MACROD2: variants seen among roughly 807,000 people sequenced by gnomAD.
The protein encoded by MACROD2 is ADP-ribose glycohydrolase MACROD2.
Under a neutral mutation model 70.4 loss-of-function variants are expected in MACROD2, and 36 were observed. That is an observed-to-expected ratio of 0.51 (90% CI 0.39 to 0.68). The LOEUF (loss-of-function observed/expected upper bound fraction) is 0.68. Ranked by LOEUF, MACROD2 falls within the 30% of genes least tolerant of loss-of-function variation. MACROD2 has a pLI of 0.00. For synonymous variants in MACROD2, 172 were observed against 178.8 expected (o/e 0.96, Z 0.30); for missense variants, 496 against 538.4 (o/e 0.92, Z 0.78).
chr20:15,025,115 TA>T (rs1181194418), intron 5 of MACROD2, among the ~76,000 whole-genome samples: 1 of 152,162 alleles, frequency 6.6e-6, no homozygotes, highest in African/African-American at 2.4e-5. Flanking sequence ...AAAATATAAC[TA>T]CATGAAGACT....
At chr20:15,794,252 A>T (rs1280390100) in intron 8 of MACROD2, among the ~76,000 whole-genome samples, 1 of 152,172 alleles carries the variant, frequency 6.6e-6, no homozygotes, top group East Asian at 1.9e-4. Flanking sequence ...TTAGCAAGTC[A>T]TATTCCTGTA....
At chr20:15,790,804 A>G (rs928173177) in intron 8 of MACROD2, among the ~76,000 whole-genome samples, 23 of 151,926 alleles carry the variant, frequency 1.5e-4, no homozygotes, top group African/African-American at 5.3e-4. Context: ...GAAATGTGCA[A>G]AATAATTAGT....
chr20:15,944,173 A>C (rs990043006), intron 12 of MACROD2, among the ~76,000 whole-genome samples: 8 of 152,288 alleles, frequency 5.3e-5, no homozygotes, highest in African/African-American at 1.9e-4. Context: ...ATCTATGATC[A>C]GTTCCTCAGG....
chr20:15,496,195 G>C (rs1224216167), intron 7 of MACROD2, among the ~76,000 whole-genome samples: 1 of 152,164 alleles, frequency 6.6e-6, no homozygotes, highest in East Asian at 1.9e-4. Flanking sequence ...AGTATTCCTT[G>C]GAAAGTAGCT....
chr20:15,899,255 C>T (rs778132634), intron 10 of MACROD2, among the ~76,000 whole-genome samples: 13 of 151,636 alleles, frequency 8.6e-5, no homozygotes, highest in East Asian at 1.9e-4. Flanking sequence ...TATGTACACA[C>T]GTGTATATAT....
intron 8 of MACROD2, among the ~76,000 whole-genome samples, chr20:15,613,923 T>C (rs2049003433): frequency 6.6e-6 from 1 of 152,236 alleles, no homozygotes; most frequent in Non-Finnish European, 1.5e-5. Context: ...CATGGCTCAA[T>C]AGAGCCACTT....
intron 6 of MACROD2, among the ~76,000 whole-genome samples, chr20:15,275,064 G>T (rs1225989926): frequency 1.3e-5 from 2 of 152,004 alleles, no homozygotes; most frequent in Non-Finnish European, 2.9e-5. Context: ...GGTGGGGGAG[G>T]TGCTAAAGGG....
At chr20:14,596,148 C>CGATCTCG (rs1172638173) in intron 4 of MACROD2, among the ~76,000 whole-genome samples, 1 of 151,604 alleles carries the variant, frequency 6.6e-6, no homozygotes, top group Admixed American at 6.6e-5. Flanking sequence ...TGCAGTGGCA[C>CGATCTCG]GATCTCGGCT....
At chr20:14,471,867 A>G (rs1022596826) in intron 3 of MACROD2, among the ~76,000 whole-genome samples, 1 of 152,214 alleles carries the variant, frequency 6.6e-6, no homozygotes, top group African/African-American at 2.4e-5. Flanking sequence ...TGGGACAGCA[A>G]GGTTTTAAAA....
At chr20:14,100,160 T>TG (rs2054279244) in intron 3 of MACROD2, among the ~76,000 whole-genome samples, 1 of 151,894 alleles carries the variant, frequency 6.6e-6, no homozygotes, top group Non-Finnish European at 1.5e-5. Flanking sequence ...CTTCATCATA[T>TG]GGGAAGACAA....
Position 15,021,137 on chromosome 20 carries a change from C to T in MACROD2, c.419-208803C>T, listed in dbSNP as rs140466288. ...GTGTATACACGTGTGTATACACATA[C>T]GTGTGTGTATACACACACCTGTGTG... On this transcript the variant is annotated intron_variant, in intron 5 of 17. Transcript: ENST00000684519. Among the ~76,000 whole-genome samples, 187 of 90,912 alleles carry T rather than the reference C, an allele frequency of 2.1e-3. 14 individuals are homozygous for T. The highest frequency in any genetic ancestry group is 6.7e-3 in the African/African-American group (155 of 22,974). 59.6% of individuals were successfully genotyped at this position (90,912 alleles called of 152,430 possible). A position where few individuals can be genotyped will look rare whatever the true frequency, so the allele number is the denominator to read the frequency against.
intron 8 of MACROD2, among the ~76,000 whole-genome samples, chr20:15,739,191 A>C (rs1204706934): frequency 1.3e-5 from 2 of 152,216 alleles, no homozygotes; most frequent in African/African-American, 4.8e-5. Flanking sequence ...GATTAGTCAC[A>C]CAGAAGGAGT....
chr20:14,777,388 C>T (rs1182016444), intron 5 of MACROD2, among the ~76,000 whole-genome samples: 1 of 151,980 alleles, frequency 6.6e-6, no homozygotes, highest in Non-Finnish European at 1.5e-5. Flanking sequence ...TTAGATCCCA[C>T]CAAGATGGCT....
intron 4 of MACROD2, among the ~76,000 whole-genome samples, chr20:14,614,904 G>C (rs925124382): frequency 6.6e-6 from 1 of 152,120 alleles, no homozygotes; most frequent in Non-Finnish European, 1.5e-5. Context: ...TATAAGTGCT[G>C]TGTTACAATT....
intron 5 of MACROD2, among the ~76,000 whole-genome samples, chr20:14,947,236 GA>G (rs1469017431): frequency 2.0e-5 from 3 of 152,110 alleles, no homozygotes; most frequent in African/African-American, 7.2e-5. Flanking sequence ...GTACGTCTTT[GA>G]AAAGTGCATT....
At chr20:14,201,884 T>G (rs938774776) in intron 3 of MACROD2, among the ~76,000 whole-genome samples, 3 of 151,042 alleles carry the variant, frequency 2.0e-5, no homozygotes, top group African/African-American at 7.3e-5. Context: ...TATTAAAATC[T>G]AAAAGTGGGA....
rs369430286 is a variant in MACROD2, at chr20:14,763,353, G to T, written c.418+78394G>T. ...TGGAGACAAAGCTGGTGTACATGCAGTTGAATCTGGATGGATTTGGATTTC... is the reference window on the plus strand; with the variant it reads ...TGGAGACAAAGCTGGTGTACATGCATTTGAATCTGGATGGATTTGGATTTC... On this transcript the variant is annotated intron_variant, in intron 5 of 17. Transcript: ENST00000684519. 3.9e-5 allele frequency among the ~76,000 whole-genome samples: 6 copies of T among 152,250 alleles called. No homozygotes were observed. In the East Asian group the frequency reaches 1.2e-3, roughly 29 times the overall value.
In MACROD2 at chr20:15,765,654, CAT is replaced by C. The variant is rs565865155; in HGVS notation, c.646-97089_646-97088del. 1.7e-3 allele frequency among the ~76,000 whole-genome samples: 261 copies of C among 152,088 alleles called. 3 individuals are homozygous for C. Among genetic ancestry groups the C allele is most frequent in the African/African-American group, 5.8e-3 (241 of 41,490 alleles). On this transcript the variant is annotated intron_variant, in intron 8 of 17. Coordinates refer to ENST00000684519, the MANE Select transcript of MACROD2 (RefSeq NM_001351661.2). ...TGTTTTTTGTGTTAAAGAGGGAAAA[CAT>C]AAAAAGTTAATGAGATCCTGAAGTG...
At chr20:15,053,917 T>C (rs1265176865) in intron 5 of MACROD2, among the ~76,000 whole-genome samples, 1 of 152,174 alleles carries the variant, frequency 6.6e-6, no homozygotes, top group African/African-American at 2.4e-5. Context: ...TGGAAGAAAT[T>C]GATTTCAACT....
Sources: allele counts gnomAD v4.1 joint callset (sites outside exome capture counted in the v4.1 genomes callset), GRCh38; gene constraint gnomAD v4.1.1; transcripts MANE v1.5; gene names NCBI Gene and HGNC (gene_info 2026-07-23, HGNC 2026-07-21).